FKTN: variants seen among roughly 807,000 people sequenced by gnomAD.
FKTN encodes the protein fukutin, also known as ribitol-5-phosphate transferase FKTN.
FKTN carries 47 observed loss-of-function variants against 58.6 expected under a neutral mutation model. The ratio of observed to expected loss-of-function variants is 0.80; its 90% CI spans 0.63 to 1.02. FKTN has a LOEUF of 1.02. FKTN is among the 50% of genes least tolerant of loss of function. The probability of loss-of-function intolerance (pLI) is 0.00; values close to 1 mark genes in which losing one functional copy is unlikely to be tolerated. For synonymous variants in FKTN, 178 were observed against 191.9 expected, an observed-to-expected ratio of 0.93 and a Z score of 0.60; for missense variants, 516 against 537.3, an observed-to-expected ratio of 0.96 and a Z score of 0.39.
Position 105,596,794 on chromosome 9 carries a change from A to G in FKTN, c.165+137A>G, listed in dbSNP as rs532702894. On this transcript the variant is annotated intron_variant, in intron 4 of 10. Transcript: ENST00000357998. ...GGTGGCCGGTTGGTAGTGGCAGGTAAGGGACAGGCCCTTTACCAAGTGCTT... is the reference window on the plus strand; with the variant it reads ...GGTGGCCGGTTGGTAGTGGCAGGTAGGGGACAGGCCCTTTACCAAGTGCTT... The G allele has an allele frequency of 1.7e-4, 120 of 724,002 alleles. 3 individuals carry two copies. The South Asian group carries it at 1.7e-3, about 10-fold the overall frequency. The allele number at this position is 724,002 out of a possible 1,614,324, so 44.8% of individuals were successfully genotyped here. A position where few individuals can be genotyped will look rare whatever the true frequency, so the allele number is the denominator to read the frequency against.
chr9:105,615,406 A>G lies in FKTN; in HGVS notation c.909A>G (p.Leu303=). The G allele has an allele frequency of 6.2e-7, 1 of 1,614,100 alleles. No individual in the cohort carries two copies. The change falls in exon 8 of 11, where the codon CTA becomes CTG. Residue 303 remains leucine (L), a splice_region_variant and synonymous_variant. Transcript: ENST00000357998. ...TCTGGCTGAGCAGTGGAACTTGTCT[A>G]GGTAAAATTCTTACGACTTTCCATT... is the stretch of plus-strand genomic sequence containing the variant. The part of the protein sequence containing the change: ...VPFWLSSGTC[L]GWYRQCNIIP...
At chr9:105,614,180 A>G (rs529853813) in intron 7 of FKTN, among the ~76,000 whole-genome samples, 26 of 152,306 alleles carry the variant, frequency 1.7e-4, no homozygotes, top group Admixed American at 1.0e-3. Context: ...ACACTATAGA[A>G]TTTATAGTGC....
Position 105,616,618 on chromosome 9 carries a change from ATAGT to A in FKTN, c.910+1214_910+1217del, listed in dbSNP as rs1355413252. On this transcript the variant is annotated intron_variant, in intron 8 of 10. Coordinates refer to ENST00000357998, the MANE Select transcript of FKTN (RefSeq NM_001079802.2). ...TATTTGTTGTCTCTTGATTATCATG[ATAGT>A]TAATTATAGCTGTATTTGCTTTTTC... 2.0e-5 allele frequency among the ~76,000 whole-genome samples: 3 copies of A among 152,168 alleles called. No individual in the cohort carries two copies. The East Asian group carries it at 5.8e-4, about 29-fold the overall frequency.
chr9:105,609,230 T>G lies in FKTN; in HGVS notation c.780+1279T>G, dbSNP rs117966412. Among the ~76,000 whole-genome samples, 1,209 of 152,214 alleles carry G rather than the reference T, an allele frequency of 7.9e-3. 9 individuals are homozygous for G. Among genetic ancestry groups the G allele is most frequent in the Middle Eastern group, 0.02 (6 of 294 alleles). On this transcript the variant is annotated intron_variant, in intron 7 of 10. Coordinates refer to ENST00000357998, the MANE Select transcript of FKTN (RefSeq NM_001079802.2). ...ACAGTCTTAAATGTAATGCTTGGTG[T>G]AAAGCAATAAATTAATCTAATAGAC...
intron 1 of FKTN, among the ~76,000 whole-genome samples, chr9:105,564,343 C>T (rs900678075): frequency 2.1e-4 from 32 of 152,160 alleles, no homozygotes; most frequent in African/African-American, 7.7e-4. Flanking sequence ...GACGATCAAA[C>T]TTCTCCGAGC....
intron 5 of FKTN, 142 bp from the exon 6 acceptor site, chr9:105,604,065 CATTAAAAA>C (rs746812592): frequency 1.3e-6 from 1 of 751,392 alleles, no homozygotes; most frequent in Non-Finnish European, 2.3e-6. Context: ...CCATCACCCT[CATTAAAAA>C]ATGTTCTTAC....
Position 105,601,740 on chromosome 9 carries a change from C to T in FKTN, c.369+392C>T, listed in dbSNP as rs114877500. Among the ~76,000 whole-genome samples, 305 of 152,162 alleles carry T rather than the reference C, an allele frequency of 2.0e-3. 3 individuals carry two copies. Among genetic ancestry groups the T allele is most frequent in the African/African-American group, 6.9e-3 (287 of 41,532 alleles). ...TTTGCTGGGGGAAACTTCTCAATAT[C>T]GGTATTTTTAGGTCATTTCTGTTGA... On this transcript the variant is annotated intron_variant, in intron 5 of 10. Coordinates refer to ENST00000357998, the MANE Select transcript of FKTN (RefSeq NM_001079802.2).
intron 10 of FKTN, among the ~76,000 whole-genome samples, chr9:105,632,858 C>G (rs1318329778): frequency 6.6e-6 from 1 of 152,166 alleles, no homozygotes; most frequent in African/African-American, 2.4e-5. Context: ...TGGATCCAAT[C>G]CCAGGGCCTT....
chr9:105,640,839 G>A lies in FKTN; in HGVS notation c.*5575G>A, dbSNP rs946533998. ...CCTTCTGATGATTCATTCAAAGCAT[G>A]GGGAATAGTTCATATGTTTGTTAAA... is the stretch of plus-strand genomic sequence containing the variant. On this transcript the variant is annotated 3_prime_UTR_variant, in exon 11 of 11. Coordinates refer to ENST00000357998, the MANE Select transcript of FKTN (RefSeq NM_001079802.2). 6.6e-6 allele frequency: 1 copy of A among 152,142 alleles called. No individual in the cohort carries two copies. Among genetic ancestry groups the A allele is most frequent in the Non-Finnish European group, 1.5e-5 (1 of 68,028 alleles). The allele number at this position is 152,142 out of a possible 1,614,324, so 9.4% of individuals were successfully genotyped here.
intron 3 of FKTN, among the ~76,000 whole-genome samples, chr9:105,595,549 G>A (rs934395315): frequency 6.6e-6 from 1 of 152,106 alleles, no homozygotes; most frequent in Non-Finnish European, 1.5e-5. Context: ...AATGTTATTG[G>A]CTAAGTTGCA....
At chr9:105,576,893 T>A (rs1019982992) in intron 3 of FKTN, among the ~76,000 whole-genome samples, 2 of 107,820 alleles carry the variant, frequency 1.9e-5, no homozygotes, top group Admixed American at 2.0e-4. Flanking sequence ...CATTGTGGTT[T>A]TGATTTGCAT....
At chr9:105,589,481 GAC>G (rs1005470204) in intron 3 of FKTN, among the ~76,000 whole-genome samples, 17 of 149,538 alleles carry the variant, frequency 1.1e-4, no homozygotes, top group African/African-American at 4.0e-4. Flanking sequence ...CAGCCTGGGT[GAC>G]AGAATGAGAC....
intron 7 of FKTN, among the ~76,000 whole-genome samples, chr9:105,609,149 G>T (rs1360683635): frequency 2.0e-5 from 3 of 152,060 alleles, no homozygotes; most frequent in Non-Finnish European, 2.9e-5. Context: ...GATCCAGTAG[G>T]GTCAGTTTTC....
In FKTN at chr9:105,638,934, C is replaced by T; in HGVS notation, c.*3670C>T. The T allele has an allele frequency of 1.0e-6, 1 of 985,210 alleles. No individual in the cohort carries two copies. The highest frequency in any genetic ancestry group is 1.2e-6 in the Non-Finnish European group (1 of 829,866). 61.0% of individuals were successfully genotyped at this position (985,210 alleles called of 1,614,324 possible). Reference sequence around the variant, plus strand: ...AAGCAGGAATTTATACATTGGGTACCAGAGCTAAATCTGGAAAACACATTT... The same window carrying T: ...AAGCAGGAATTTATACATTGGGTACTAGAGCTAAATCTGGAAAACACATTT... On this transcript the variant is annotated 3_prime_UTR_variant, in exon 11 of 11. Coordinates refer to ENST00000357998, the MANE Select transcript of FKTN (RefSeq NM_001079802.2).
chr9:105,565,026 G>A (rs1177787273), intron 1 of FKTN, among the ~76,000 whole-genome samples: 1 of 152,144 alleles, frequency 6.6e-6, no homozygotes, highest in South Asian at 2.1e-4. Context: ...CTTCAACCCA[G>A]AATTTCATAT....
At chr9:105,606,551 A>G (rs1406716896) in intron 6 of FKTN, among the ~76,000 whole-genome samples, 1 of 151,782 alleles carries the variant, frequency 6.6e-6, no homozygotes, top group Non-Finnish European at 1.5e-5. Flanking sequence ...AATCTGATGT[A>G]AAGGTAGCAG....
chr9:105,563,416 G>C (rs1838685684), intron 1 of FKTN, among the ~76,000 whole-genome samples: 1 of 152,186 alleles, frequency 6.6e-6, no homozygotes. Context: ...GGGAAGGGGG[G>C]ACAAATGGCA....
intron 10 of FKTN, among the ~76,000 whole-genome samples, chr9:105,620,446 A>G (rs965004241): frequency 1.3e-5 from 2 of 152,180 alleles, no homozygotes; most frequent in Non-Finnish European, 2.9e-5. Flanking sequence ...CATTACATTG[A>G]GTAATACTAC....
chr9:105,616,404 T>G (rs1342258302), intron 8 of FKTN, among the ~76,000 whole-genome samples: 1 of 152,184 alleles, frequency 6.6e-6, no homozygotes, highest in African/African-American at 2.4e-5. Flanking sequence ...CAGCCTTTCC[T>G]AGGTCATTGG....
Sources: allele counts gnomAD v4.1 joint callset (sites outside exome capture counted in the v4.1 genomes callset), GRCh38; gene constraint gnomAD v4.1.1; transcripts MANE v1.5; gene names NCBI Gene and HGNC (gene_info 2026-07-23, HGNC 2026-07-21).